Variants in ATP8B4 observed in about 807,000 individuals in gnomAD.
The protein encoded by ATP8B4 is ATPase phospholipid transporting 8B4 (putative), also known as probable phospholipid-transporting ATPase IM.
In ATP8B4, 133 loss-of-function variants were observed where a neutral mutation model predicts 145.6. The observed-to-expected ratio is 0.91, with a 90% confidence interval of 0.79 to 1.05. The LOEUF is 1.05. Ranked by LOEUF, ATP8B4 falls within the 50% of genes least tolerant of loss-of-function variation. The pLI is 0.00. For missense variants in ATP8B4, 1,458 were observed against 1,425.2 expected (o/e 1.02, Z -0.37); for synonymous variants, 507 against 492.9 (o/e 1.03, Z -0.38).
At chr15:50,075,329 G>A (rs2054105976) in intron 2 of ATP8B4, among the ~76,000 whole-genome samples, 1 of 152,168 alleles carries the variant, frequency 6.6e-6, no homozygotes, top group South Asian at 2.1e-4. Context: ...CCTCTTGCAT[G>A]CCAGGCACCA....
At chr15:49,881,765 C>T (rs890840328) in intron 23 of ATP8B4, among the ~76,000 whole-genome samples, 1 of 152,132 alleles carries the variant, frequency 6.6e-6, no homozygotes, top group Admixed American at 6.5e-5. Flanking sequence ...GGATAGGGGG[C>T]ACGTGCCATA....
chr15:49,859,419 G>A lies in ATP8B4; in HGVS notation c.*775C>T, dbSNP rs893388762. On this transcript the variant is annotated 3_prime_UTR_variant, in exon 28 of 28. Transcript: ENST00000284509. ...TGATGCTCAGCAAATTACTACTGAGGTTGTTAGAAAAGCCATTGAAAAGTA... is the reference window on the plus strand; with the variant it reads ...TGATGCTCAGCAAATTACTACTGAGATTGTTAGAAAAGCCATTGAAAAGTA... The A allele has an allele frequency of 5.3e-5, 8 of 152,122 alleles. No homozygotes were observed. The highest frequency in any genetic ancestry group is 1.9e-4 in the African/African-American group (8 of 41,424). 9.4% of individuals were successfully genotyped at this position (152,122 alleles called of 1,614,324 possible).
intron 2 of ATP8B4, among the ~76,000 whole-genome samples, chr15:50,088,344 T>TA (rs902229215): frequency 7.4e-4 from 106 of 142,988 alleles, no homozygotes; most frequent in Middle Eastern, 7.2e-3. Flanking sequence ...AGACTCCCTC[T>TA]AAAAAAAAAA....
At chr15:50,020,208 G>A (rs2049431943) in intron 6 of ATP8B4, among the ~76,000 whole-genome samples, 1 of 151,416 alleles carries the variant, frequency 6.6e-6, no homozygotes, top group Non-Finnish European at 1.5e-5. Context: ...GCTTGCCTTG[G>A]CCTCCCAAAG....
chr15:49,993,197 G>T lies in ATP8B4; in HGVS notation c.589+3480C>A, dbSNP rs543556233. Among the ~76,000 whole-genome samples the T allele has an allele frequency of 3.3e-5, 5 of 152,122 alleles. No individual in the cohort carries two copies. In the East Asian group the frequency reaches 5.8e-4, roughly 18 times the overall value. On this transcript the variant is annotated intron_variant, in intron 9 of 27. Transcript: ENST00000284509. ...AAACAGACTTAAACTAATATGGAGAGAGTGATAAAAACAAAGATAAAGAAT... is the reference window on the plus strand; with the variant it reads ...AAACAGACTTAAACTAATATGGAGATAGTGATAAAAACAAAGATAAAGAAT...
chr15:50,115,420 G>A (rs2057134464), intron 1 of ATP8B4, among the ~76,000 whole-genome samples: 1 of 152,052 alleles, frequency 6.6e-6, no homozygotes, highest in Non-Finnish European at 1.5e-5. Context: ...TATGGAGGCA[G>A]AGGAAAGGCA....
rs766618342 is a variant in ATP8B4 at position 49,876,493 on chromosome 15, G to A, written c.2812C>T (p.Pro938Ser). The change falls in exon 25 of 28, where the codon CCC becomes TCC. Residue 938 changes from proline (P) to serine (S), a missense_variant. Physicochemically the swap from Pro to Ser is moderately conservative, Grantham distance 74. Coordinates refer to ENST00000284509, the MANE Select transcript of ATP8B4 (RefSeq NM_024837.4). ...AGCTGTCCTGGTTTGTAGAGCTGGG[G>A]ACAGTCCACGCTGTTCTGGTCACTC... ...DVSDQNSVDC[P>S]QLYKPGQLNL... 7.4e-6 allele frequency: 12 copies of A among 1,613,950 alleles called. No homozygotes were observed. Among genetic ancestry groups the A allele is most frequent in the Non-Finnish European group, 9.3e-6 (11 of 1,179,950 alleles).
chr15:50,042,892 G>A (rs1039552950), intron 5 of ATP8B4, among the ~76,000 whole-genome samples: 72 of 152,238 alleles, frequency 4.7e-4, no homozygotes, highest in African/African-American at 1.6e-3. Context: ...AAAATAGAAC[G>A]AAGAGCCAAT....
At chr15:49,986,514 C>G (rs1789392712) in intron 10 of ATP8B4, among the ~76,000 whole-genome samples, 1 of 152,170 alleles carries the variant, frequency 6.6e-6, no homozygotes, top group African/African-American at 2.4e-5. Flanking sequence ...CTGCTAACAC[C>G]AACAGCTGAC....
chr15:50,057,479 C>T (rs903058266), intron 3 of ATP8B4, among the ~76,000 whole-genome samples: 4 of 152,238 alleles, frequency 2.6e-5, no homozygotes, highest in Non-Finnish European at 4.4e-5. Context: ...CACTGGCCCT[C>T]ATCCGACATC....
At position 49,948,845 on chromosome 15, in the gene ATP8B4, T is replaced by C. The variant is rs1195012327; in HGVS notation, c.1287+13132A>G. Among the ~76,000 whole-genome samples the C allele has an allele frequency of 5.9e-5, 9 of 152,168 alleles. No homozygotes were observed. The South Asian group carries it at 1.7e-3, about 28-fold the overall frequency. On this transcript the variant is annotated intron_variant, in intron 14 of 27. Transcript: ENST00000284509. Reference sequence around the variant, plus strand: ...ATTTTGGATTTTGTTGCAATTCCTTTTGGCATTTTTGTAATGAAGTCTTTG... The same window carrying C: ...ATTTTGGATTTTGTTGCAATTCCTTCTGGCATTTTTGTAATGAAGTCTTTG...
intron 1 of ATP8B4, among the ~76,000 whole-genome samples, chr15:50,137,349 C>G (rs189454584): frequency 6.1e-4 from 93 of 152,262 alleles, no homozygotes; most frequent in Admixed American, 1.3e-3. Context: ...TTAGCCGGCA[C>G]ATTCTGGAAG....
chr15:50,101,258 G>A (rs1247367966), intron 2 of ATP8B4, among the ~76,000 whole-genome samples: 1 of 152,064 alleles, frequency 6.6e-6, no homozygotes, highest in African/African-American at 2.4e-5. Context: ...TGGGTATGCA[G>A]GAGAATGTCC....
At chr15:50,003,273 C>CGTGTGT (rs1491248763) in intron 7 of ATP8B4, among the ~76,000 whole-genome samples, 61 of 85,942 alleles carry the variant, frequency 7.1e-4, no homozygotes, top group Middle Eastern at 5.5e-3. Context: ...ATAGGGTGTG[C>CGTGTGT]ATGTGTGTGT....
intron 1 of ATP8B4, among the ~76,000 whole-genome samples, chr15:50,144,072 C>T (rs1471199569): frequency 3.3e-5 from 5 of 152,094 alleles, no homozygotes. Context: ...AATTCAGGTC[C>T]CTTTGTTTTA....
chr15:49,909,292 A>G (rs1312327548), intron 20 of ATP8B4, among the ~76,000 whole-genome samples: 1 of 152,058 alleles, frequency 6.6e-6, no homozygotes, highest in Non-Finnish European at 1.5e-5. Context: ...CACTACCACC[A>G]CAGCTAGCAC....
At chr15:50,078,336 A>G (rs1335646718) in intron 2 of ATP8B4, among the ~76,000 whole-genome samples, 1 of 152,008 alleles carries the variant, frequency 6.6e-6, no homozygotes, top group African/African-American at 2.4e-5. Flanking sequence ...ATGAGCCACC[A>G]TACCCAGCAC....
intron 1 of ATP8B4, among the ~76,000 whole-genome samples, chr15:50,128,997 G>A (rs1301006921): frequency 6.6e-6 from 1 of 152,206 alleles, no homozygotes; most frequent in Non-Finnish European, 1.5e-5. Context: ...GAACCCGGGA[G>A]GTGGAGGTTG....
intron 16 of ATP8B4, among the ~76,000 whole-genome samples, chr15:49,924,205 C>A (rs78519285): frequency 0.075 from 11,423 of 152,206 alleles, 474 homozygotes; most frequent in Middle Eastern, 0.095. Flanking sequence ...CCACCGACAA[C>A]CCCCAGCATA....
Sources: allele counts gnomAD v4.1 joint callset (sites outside exome capture counted in the v4.1 genomes callset), GRCh38; gene constraint gnomAD v4.1.1; transcripts MANE v1.5; gene names NCBI Gene and HGNC (gene_info 2026-07-23, HGNC 2026-07-21).